The following SGPP2 variants were observed in gnomAD, a reference collection of about 807,000 sequenced individuals.
SGPP2 encodes sphingosine-1-phosphate phosphatase 2.
In SGPP2, 30 loss-of-function variants were observed where a neutral mutation model predicts 33.9. The observed-to-expected ratio is 0.89, with a 90% CI of 0.66 to 1.20. SGPP2 has a LOEUF of 1.20. Among genes scored for constraint, SGPP2 ranks in the 50% most tolerant of loss-of-function variants. The pLI is 0.00. For missense variants in SGPP2, 458 were observed against 532.1 expected, an observed-to-expected ratio of 0.86 and a Z score of 1.37; for synonymous variants, 233 against 225.0, an observed-to-expected ratio of 1.04 and a Z score of -0.32.
chr2:222,537,306 T>TA (rs1365565110), intron 4 of SGPP2, among the ~76,000 whole-genome samples: 1 of 152,084 alleles, frequency 6.6e-6, no homozygotes, highest in African/African-American at 2.4e-5. Context: ...TCTCTGCCTA[T>TA]AAAAAAATTG....
Position 222,476,046 on chromosome 2 carries a change from T to A in SGPP2, c.378+1320T>A, listed in dbSNP as rs1175472682. Reference sequence around the variant, plus strand: ...GAAGGAGTCTTGAAGATCAACCAACTCTAAGGTCAAAGGTTATTTAGCTGG... The same window carrying A: ...GAAGGAGTCTTGAAGATCAACCAACACTAAGGTCAAAGGTTATTTAGCTGG... On this transcript the variant is annotated intron_variant, in intron 2 of 4. Coordinates refer to ENST00000321276, the MANE Select transcript of SGPP2 (RefSeq NM_152386.4). This position sits in a 1 kb window ranked among gnomAD's most constrained non-coding sequence, Gnocchi z 4.3. 6.6e-6 allele frequency among the ~76,000 whole-genome samples: 1 copy of A among 152,140 alleles called. No individual in the cohort carries two copies. Among genetic ancestry groups the A allele is most frequent in the Admixed American group, 6.5e-5 (1 of 15,282 alleles).
intron 4 of SGPP2, among the ~76,000 whole-genome samples, chr2:222,552,693 T>C (rs1255540406): frequency 6.6e-6 from 1 of 152,116 alleles, no homozygotes; most frequent in African/African-American, 2.4e-5. Context: ...AAACCCTGTC[T>C]CTACTAAAAA....
In SGPP2 at chr2:222,561,706, T is replaced by C. The variant is rs369397941; in HGVS notation, c.*2808T>C. The stretch of plus-strand genomic sequence containing the variant: ...CATTAAAGAATGAGCCAAGGATTTG[T>C]CATGGTTGGTCACTTTTTAAAGTAT... On this transcript the variant is annotated 3_prime_UTR_variant, in exon 5 of 5. Transcript: ENST00000321276. Among the ~76,000 whole-genome samples, 1 of 152,108 alleles carries C rather than the reference T, an allele frequency of 6.6e-6. No homozygotes were observed. Among genetic ancestry groups the C allele is most frequent in the East Asian group, 1.9e-4 (1 of 5,200 alleles).
intron 4 of SGPP2, among the ~76,000 whole-genome samples, chr2:222,527,167 A>G (rs1443557620): frequency 1.3e-5 from 2 of 152,188 alleles, no homozygotes; most frequent in African/African-American, 4.8e-5. Flanking sequence ...AGGGGAAGAT[A>G]GATTAGGCCT....
chr2:222,503,074 T>C (rs1185856643), intron 2 of SGPP2, among the ~76,000 whole-genome samples: 1 of 152,230 alleles, frequency 6.6e-6, no homozygotes, highest in African/African-American at 2.4e-5. Flanking sequence ...CCTTTTACTC[T>C]AATCACCTGC....
At chr2:222,443,898 T>G (rs1697361720) in intron 1 of SGPP2, among the ~76,000 whole-genome samples, 1 of 152,222 alleles carries the variant, frequency 6.6e-6, no homozygotes, top group African/African-American at 2.4e-5. Context: ...GGTTTCCTTA[T>G]CTGTGAAATG....
chr2:222,458,738 T>C (rs1243124412), intron 1 of SGPP2, among the ~76,000 whole-genome samples: 2 of 152,168 alleles, frequency 1.3e-5, no homozygotes, highest in Non-Finnish European at 2.9e-5. Context: ...TTTTAGAACA[T>C]TTTCATCACC....
intron 1 of SGPP2, among the ~76,000 whole-genome samples, chr2:222,468,211 G>GT (rs943819606): frequency 1.5e-4 from 23 of 152,160 alleles, no homozygotes; most frequent in African/African-American, 5.5e-4. Context: ...GGACTGGGGC[G>GT]TGGGGCGGTT....
At chr2:222,546,732 A>T (rs544922491) in intron 4 of SGPP2, among the ~76,000 whole-genome samples, 24 of 151,406 alleles carry the variant, frequency 1.6e-4, no homozygotes, top group Middle Eastern at 3.4e-3. Context: ...ATTTGCGCTT[A>T]TGTATTACTA....
At chr2:222,444,785 C>A (rs1457304270) in intron 1 of SGPP2, among the ~76,000 whole-genome samples, 1 of 152,118 alleles carries the variant, frequency 6.6e-6, no homozygotes, top group African/African-American at 2.4e-5. Context: ...AGCAGAAGAT[C>A]TCAGGCTTTA....
At chr2:222,428,127 C>T (rs1026086332) in intron 1 of SGPP2, among the ~76,000 whole-genome samples, 4 of 152,338 alleles carry the variant, frequency 2.6e-5, no homozygotes, top group Admixed American at 2.6e-4. Context: ...GTATCTGATT[C>T]ACTGAGGTGT....
At chr2:222,426,549 A>G (rs917303596) in intron 1 of SGPP2, among the ~76,000 whole-genome samples, 1 of 152,198 alleles carries the variant, frequency 6.6e-6, no homozygotes, top group Non-Finnish European at 1.5e-5. Flanking sequence ...CTGCTTGACA[A>G]TCCTGGTGGG....
chr2:222,553,000 C>T (rs762045821), intron 4 of SGPP2, among the ~76,000 whole-genome samples: 3 of 152,198 alleles, frequency 2.0e-5, no homozygotes, highest in African/African-American at 4.8e-5. Flanking sequence ...ATGTCTGCTA[C>T]GTGTTAGGCA....
intron 1 of SGPP2, among the ~76,000 whole-genome samples, chr2:222,467,500 A>G (rs1252432673): frequency 6.6e-6 from 1 of 152,140 alleles, no homozygotes; most frequent in Non-Finnish European, 1.5e-5. Context: ...CAAGTCATTT[A>G]TGTGAAATTA....
intron 1 of SGPP2, among the ~76,000 whole-genome samples, chr2:222,459,828 G>T (rs1178088871): frequency 1.3e-5 from 2 of 152,120 alleles, no homozygotes; most frequent in Non-Finnish European, 2.9e-5. Flanking sequence ...GATACTGCAG[G>T]TTGTTCAACT....
intron 1 of SGPP2, chr2:222,453,163 G>A (rs1488865307): frequency 5.1e-6 from 4 of 785,296 alleles, no homozygotes; most frequent in South Asian, 2.7e-5. Flanking sequence ...GCAGTGTGAG[G>A]CATCTCAGCA....
intron 1 of SGPP2, among the ~76,000 whole-genome samples, chr2:222,442,322 T>C (rs1316858725): frequency 5.3e-5 from 8 of 152,212 alleles, no homozygotes; most frequent in Non-Finnish European, 1.5e-5. Context: ...GCATGCTTTT[T>C]GTTGGATCTT....
rs1689512729 is a variant in SGPP2, at chr2:222,560,302, T to C, written c.*1404T>C. Reference sequence around the variant, plus strand: ...TTACTCCTCCAATTTCACAGTTACCTTCTGTAAATCTATTTTCTCATCTAC... The same window carrying C: ...TTACTCCTCCAATTTCACAGTTACCCTCTGTAAATCTATTTTCTCATCTAC... On this transcript the variant is annotated 3_prime_UTR_variant, in exon 5 of 5. Coordinates refer to ENST00000321276, the MANE Select transcript of SGPP2 (RefSeq NM_152386.4). 6.6e-6 allele frequency: 1 copy of C among 152,234 alleles called. No individual in the cohort carries two copies. The highest frequency in any genetic ancestry group is 2.4e-5 in the African/African-American group (1 of 41,460). 9.4% of individuals were successfully genotyped at this position (152,234 alleles called of 1,614,324 possible).
rs919468778 is a variant in SGPP2 at position 222,559,088 on chromosome 2, C to G, written c.*190C>G. Reference sequence around the variant, plus strand: ...TGTCTCATAGCGGTCATTGGTCGTCCGTGGTGGTTGGTTGTGCTACAGTTG... The same window carrying G: ...TGTCTCATAGCGGTCATTGGTCGTCGGTGGTGGTTGGTTGTGCTACAGTTG... On this transcript the variant is annotated 3_prime_UTR_variant, in exon 5 of 5. Coordinates refer to ENST00000321276, the MANE Select transcript of SGPP2 (RefSeq NM_152386.4). The G allele has an allele frequency of 1.4e-5, 8 of 556,700 alleles. No homozygotes were observed. Among genetic ancestry groups the G allele is most frequent in the Non-Finnish European group, 2.5e-5 (8 of 323,082 alleles). The allele number at this position is 556,700 out of a possible 1,614,324, so 34.5% of individuals were successfully genotyped here.
Sources: allele counts gnomAD v4.1 joint callset (sites outside exome capture counted in the v4.1 genomes callset), GRCh38; gene constraint gnomAD v4.1.1; non-coding constraint Gnocchi (gnomAD v3.1); transcripts MANE v1.5; gene names NCBI Gene and HGNC (gene_info 2026-07-23, HGNC 2026-07-21).